KCNS1: variants seen among roughly 807,000 people sequenced by gnomAD.
KCNS1 encodes the protein potassium voltage-gated channel modifier subfamily S member 1, also known as delayed-rectifier potassium channel regulatory subunit KCNS1.
KCNS1 carries 26 observed loss-of-function variants against 33.1 expected under a neutral mutation model. The ratio of observed to expected loss-of-function variants is 0.79; its 90% CI spans 0.58 to 1.09. KCNS1 has a LOEUF of 1.09. Among genes scored for constraint, KCNS1 ranks in the 50% least tolerant of loss-of-function variants. The pLI, the probability that KCNS1 is intolerant of heterozygous loss-of-function variation, is 0.00. For missense variants in KCNS1, 702 were observed against 752.4 expected (o/e 0.93, Z 0.78); for synonymous variants, 299 against 338.8 (o/e 0.88, Z 1.29).
In KCNS1 at chr20:45,098,657, G is replaced by C. The variant is rs753719398; in HGVS notation, c.115C>G (p.Pro39Ala). The C allele has an allele frequency of 1.6e-5, 23 of 1,467,042 alleles. No individual in the cohort carries two copies. Among genetic ancestry groups the C allele is most frequent in the Non-Finnish European group, 2.1e-5 (23 of 1,111,456 alleles). 90.9% of individuals were successfully genotyped at this position (1,467,042 alleles called of 1,614,324 possible). A position where few individuals can be genotyped will look rare whatever the true frequency, so the allele number is the denominator to read the frequency against. Residue 39 changes from proline to alanine, a missense_variant, in exon 3 of 4, where the codon CCC becomes GCC. By Grantham distance (27) the Pro-to-Ala change is conservative (BLOSUM62 -1). Transcript: ENST00000537075. This position sits in a 1 kb window ranked among gnomAD's most constrained non-coding sequence, Gnocchi z 5.2. ...TETFVSEFPG[P>A]DTGIRWRRSD... is the part of the protein sequence containing the mutation. The stretch of plus-strand genomic sequence containing the variant: ...CGCCGCCAGCGGATCCCGGTGTCGG[G>C]GCCCGGGAACTCGCTCACAAAGGTT...
chr20:45,098,049 G>T lies in KCNS1; in HGVS notation c.723C>A (p.Ser241Arg), dbSNP rs1981253262. The T allele has an allele frequency of 6.5e-7, 1 of 1,542,626 alleles. No individual in the cohort carries two copies. Residue 241 changes from serine to arginine, a missense_variant, in exon 3 of 4, where the codon AGC becomes AGA. Physicochemically the swap from Ser to Arg is moderately radical, Grantham distance 110 (BLOSUM62 -1). Transcript: ENST00000537075. This position sits in a 1 kb window ranked among gnomAD's most constrained non-coding sequence, Gnocchi z 5.2. ...LASIAAMCIH[S>R]LPEYQAREAA... ...CCTCGCGGGCCTGGTACTCGGGCAG[G>T]CTGTGGATGCACATGGCGGCGATGG...
intron 3 of KCNS1, among the ~76,000 whole-genome samples, chr20:45,096,139 G>C (rs1046705237): frequency 3.9e-5 from 6 of 152,220 alleles, no homozygotes; most frequent in Non-Finnish European, 8.8e-5. Flanking sequence ...GAATCATGCA[G>C]GGGTCTTGGC....
chr20:45,097,563 C>T (rs994814771), intron 3 of KCNS1, 99 bp downstream of exon 3: 16 of 1,232,434 alleles, frequency 1.3e-5, no homozygotes, highest in Non-Finnish European at 1.8e-5. Flanking sequence ...CTCAGTTGAA[C>T]GTTAAGCCTG....
intron 1 of KCNS1, among the ~76,000 whole-genome samples, chr20:45,099,933 G>C (rs1981339013): frequency 6.6e-6 from 1 of 152,222 alleles, no homozygotes; most frequent in Non-Finnish European, 1.5e-5. Context: ...CCTGGGCTTG[G>C]CATTAAATGG....
At chr20:45,100,036 G>A (rs1332938328) in intron 1 of KCNS1, 1 of 152,198 alleles carries the variant, frequency 6.6e-6, no homozygotes, top group Non-Finnish European at 1.5e-5. Flanking sequence ...TCTAGAATGG[G>A]GATAATGTTG....
chr20:45,099,010 G>A, intron 2 of KCNS1, 151 bp downstream of exon 2: 1 of 781,946 alleles, frequency 1.3e-6, no homozygotes, highest in Non-Finnish European at 2.0e-6. Context: ...GGAATCGCAG[G>A]ATGTCCTGGC....
At chr20:45,097,169 T>A (rs1027719312) in intron 3 of KCNS1, among the ~76,000 whole-genome samples, 1 of 152,178 alleles carries the variant, frequency 6.6e-6, no homozygotes, top group African/African-American at 2.4e-5. Context: ...AAATTGATAA[T>A]GGATGTGAAA....
At position 45,092,784 on chromosome 20, in the gene KCNS1, A is replaced by T. The variant is rs1174371640; in HGVS notation, c.*2086T>A. 1 of 151,696 alleles carries T rather than the reference A, an allele frequency of 6.6e-6. No individual in the cohort carries two copies. Among genetic ancestry groups the T allele is most frequent in the African/African-American group, 2.4e-5 (1 of 41,234 alleles). The allele number at this position is 151,696 out of a possible 1,614,324, so 9.4% of individuals were successfully genotyped here. On this transcript the variant is annotated 3_prime_UTR_variant, in exon 4 of 4. Coordinates refer to ENST00000537075, the MANE Select transcript of KCNS1 (RefSeq NM_001322799.2). ...TCTGCTTGGAGTACTCCCCCCTGGA[A>T]CCTCATTTGCTTAATTAGCAATTTA...
In KCNS1 at chr20:45,094,773, G is replaced by T; in HGVS notation, c.*97C>A. Reference sequence around the variant, plus strand: ...CTTTTGAATCTCATTTCTCAGGACAGCATGAGTGATCCTGGGAGGCTCACT... The same window carrying T: ...CTTTTGAATCTCATTTCTCAGGACATCATGAGTGATCCTGGGAGGCTCACT... On this transcript the variant is annotated 3_prime_UTR_variant, in exon 4 of 4. Coordinates refer to ENST00000537075, the MANE Select transcript of KCNS1 (RefSeq NM_001322799.2). The T allele has an allele frequency of 3.1e-6, 3 of 968,786 alleles. No individual in the cohort carries two copies. Among genetic ancestry groups the T allele is most frequent in the Non-Finnish European group, 3.2e-6 (2 of 631,978 alleles). The allele number at this position is 968,786 out of a possible 1,614,324, so 60.0% of individuals were successfully genotyped here.
chr20:45,094,871 T>G lies in KCNS1; in HGVS notation c.1580A>C (p.Ter527SerextTer35). Residue 527 changes from the stop codon to serine, a stop_lost, in exon 4 of 4, where the codon TAA becomes TCA. Coordinates refer to ENST00000537075, the MANE Select transcript of KCNS1 (RefSeq NM_001322799.2). ...GCAGGGGGTCACGGATCCCTGGTTT[T>G]AATACATCTGAGGGTGTGGAGGCTC... ...PSEPPHPQMY[*>S] 1.9e-6 allele frequency: 3 copies of G among 1,604,854 alleles called. No homozygotes were observed. Among genetic ancestry groups the G allele is most frequent in the Non-Finnish European group, 2.6e-6 (3 of 1,174,266 alleles).
In KCNS1 at chr20:45,098,506, C is replaced by T. The variant is rs760198636; in HGVS notation, c.266G>A (p.Arg89Gln). 3.9e-6 allele frequency: 6 copies of T among 1,529,718 alleles called. No homozygotes were observed. The Admixed American group carries it at 1.0e-4, about 26-fold the overall frequency. The allele number at this position is 1,529,718 out of a possible 1,614,324, so 94.8% of individuals were successfully genotyped here. The change falls in exon 3 of 4, where the codon CGG becomes CAG. Residue 89 changes from arginine (R) to glutamine (Q), a missense_variant. Around this residue, in one of 3 missense-constraint regions of KCNS1, gnomAD observed 374 missense variants for 352.3 expected, o/e 1.06. Coordinates refer to ENST00000537075, the MANE Select transcript of KCNS1 (RefSeq NM_001322799.2). This position sits in a 1 kb window ranked among gnomAD's most constrained non-coding sequence, Gnocchi z 5.2. ...LQAAASEEQA[R>Q]RLCDDYDEAA... Reference sequence around the variant, plus strand: ...CTCGTCGTAGTCGTCGCACAGGCGCCGCGCCTGCTCCTCCGACGCCGCGGC... The same window carrying T: ...CTCGTCGTAGTCGTCGCACAGGCGCTGCGCCTGCTCCTCCGACGCCGCGGC...
Position 45,098,336 on chromosome 20 carries a change from T to C in KCNS1, c.436A>G (p.Asn146Asp), listed in dbSNP as rs1427636067. 2 of 1,572,586 alleles carry C rather than the reference T, an allele frequency of 1.3e-6. No individual in the cohort carries two copies. Among genetic ancestry groups the C allele is most frequent in the East Asian group, 2.4e-5 (1 of 42,250 alleles). Residue 146 changes from asparagine to aspartate, a missense_variant, in exon 3 of 4, where the codon AAC becomes GAC. By Grantham distance (23) the Asn-to-Asp change is conservative (BLOSUM62 1). This residue lies in a region of KCNS1 where 374 missense variants were observed against 352.3 expected (regional missense o/e 1.06). Transcript: ENST00000537075. The surrounding 1 kb of genome is among the most constrained non-coding windows in gnomAD (Gnocchi z 5.2). ...QEADYWGLGENALAACCRARY... is the reference protein window; with the variant it reads ...QEADYWGLGEDALAACCRARY... ...GCGCGGCAGCACGCGGCAAGCGCGT[T>C]CTCGCCTAGGCCCCAGTAGTCGGCC... is the stretch of plus-strand genomic sequence containing the variant.
rs1039008406 is a variant in KCNS1, at chr20:45,098,956, G to A, written c.76+205C>T. ...CACCCCCATTTCATTTTTCTCCTTT[G>A]GAAAGTAAATGCTGAGATCTACCTG... On this transcript the variant is annotated intron_variant, in intron 2 of 3. Coordinates refer to ENST00000537075, the MANE Select transcript of KCNS1 (RefSeq NM_001322799.2). This position sits in a 1 kb window ranked among gnomAD's most constrained non-coding sequence, Gnocchi z 5.2. Among the ~76,000 whole-genome samples the A allele has an allele frequency of 2.0e-5, 3 of 151,888 alleles. No individual in the cohort carries two copies. The highest frequency in any genetic ancestry group is 7.3e-5 in the African/African-American group (3 of 41,286).
In KCNS1 at chr20:45,098,540, G is replaced by C. The variant is rs948459284; in HGVS notation, c.232C>G (p.Arg78Gly). The C allele has an allele frequency of 3.8e-5, 54 of 1,408,460 alleles. No homozygotes were observed. Among genetic ancestry groups the C allele is most frequent in the Admixed American group, 3.1e-4 (10 of 32,260 alleles). 87.2% of individuals were successfully genotyped at this position (1,408,460 alleles called of 1,614,324 possible). ...TCCTCCGACGCCGCGGCCTGCAGGCGGCCCAGCCGCGTGCCCGGGAAGCGC... is the reference window on the plus strand; with the variant it reads ...TCCTCCGACGCCGCGGCCTGCAGGCCGCCCAGCCGCGTGCCCGGGAAGCGC... Reference protein sequence around the residue: ...LARFPGTRLGRLQAAASEEQA... With the variant: ...LARFPGTRLGGLQAAASEEQA... Residue 78 changes from arginine (R) to glycine (G), a missense_variant, in exon 3 of 4, where the codon CGC becomes GGC. By Grantham distance (125) the Arg-to-Gly change is moderately radical. Coordinates refer to ENST00000537075, the MANE Select transcript of KCNS1 (RefSeq NM_001322799.2). This position sits in a 1 kb window ranked among gnomAD's most constrained non-coding sequence, Gnocchi z 5.2.
intron 1 of KCNS1, among the ~76,000 whole-genome samples, chr20:45,100,621 A>G (rs970793794): frequency 1.3e-5 from 2 of 152,104 alleles, no homozygotes; most frequent in African/African-American, 2.4e-5. Context: ...CTCTCCACAC[A>G]CTTATTTTGA....
At position 45,095,282 on chromosome 20, in the gene KCNS1, AAC is replaced by A; in HGVS notation, c.1167_1168del (p.Phe390LeufsTer8). The stretch of plus-strand genomic sequence containing the variant: ...TTCAGCTGTGTAGGCCACACCAGAG[AAC>A]ACTGACACACCCACAGCCAGGTACA... On this transcript the variant is annotated frameshift_variant, in exon 4 of 4. Transcript: ENST00000537075. LOFTEE classifies it high-confidence loss of function. 1.2e-6 allele frequency: 2 copies of A among 1,614,016 alleles called. No homozygotes were observed. Among genetic ancestry groups the A allele is most frequent in the Non-Finnish European group, 1.7e-6 (2 of 1,180,026 alleles).
At chr20:45,095,362 C>CAAGTCAGA in intron 3 of KCNS1, 22 bp from the exon 4 acceptor site, 4 of 1,597,380 alleles carry the variant, frequency 2.5e-6, no homozygotes, top group Non-Finnish European at 3.4e-6. Flanking sequence ...TGTAGAAAGC[C>CAAGTCAGA]AAGTCAGAGT....
rs909631248 is a variant in KCNS1, at chr20:45,098,597, C to T, written c.175G>A (p.Val59Met). Residue 59 changes from valine to methionine, a missense_variant, in exon 3 of 4, where the codon GTG becomes ATG. By Grantham distance (21) the Val-to-Met change is conservative. Coordinates refer to ENST00000537075, the MANE Select transcript of KCNS1 (RefSeq NM_001322799.2). This position sits in a 1 kb window ranked among gnomAD's most constrained non-coding sequence, Gnocchi z 5.2. ...DEALRVNVGG[V>M]RRQLSARALA... Reference sequence around the variant, plus strand: ...GCGCGCGCGCTCAGCTGCCGCCGCACGCCACCCACGTTCACGCGCAGCGCC... The same window carrying T: ...GCGCGCGCGCTCAGCTGCCGCCGCATGCCACCCACGTTCACGCGCAGCGCC... The T allele has an allele frequency of 9.8e-6, 14 of 1,424,280 alleles. No homozygotes were observed. Among genetic ancestry groups the T allele is most frequent in the Non-Finnish European group, 1.2e-5 (13 of 1,086,544 alleles). 88.2% of individuals were successfully genotyped at this position (1,424,280 alleles called of 1,614,324 possible). A position where few individuals can be genotyped will look rare whatever the true frequency, so the allele number is the denominator to read the frequency against.
At chr20:45,097,204 A>T (rs1406850659) in intron 3 of KCNS1, among the ~76,000 whole-genome samples, 1 of 152,218 alleles carries the variant, frequency 6.6e-6, no homozygotes, top group Admixed American at 6.5e-5. Context: ...GTGCTCAGTA[A>T]GTGTTAGCTC....
Sources: allele counts gnomAD v4.1 joint callset (sites outside exome capture counted in the v4.1 genomes callset), GRCh38; gene constraint gnomAD v4.1.1; regional missense constraint gnomAD v4.1.1; non-coding constraint Gnocchi (gnomAD v3.1); transcripts MANE v1.5; gene names NCBI Gene and HGNC (gene_info 2026-07-23, HGNC 2026-07-21).